Variants in RFX7 observed in about 807,000 individuals in gnomAD.
The protein encoded by RFX7 is regulatory factor X7.
In RFX7, 26 loss-of-function variants were observed where a neutral mutation model predicts 111.8. That is an observed-to-expected ratio of 0.23 (90% CI 0.17 to 0.32). The LOEUF (loss-of-function observed/expected upper bound fraction) is 0.32. Ranked by LOEUF, RFX7 falls within the 10% of genes least tolerant of loss-of-function variation. The pLI is 1.00. For synonymous variants in RFX7, 624 were observed against 624.4 expected (o/e 1.00, Z 0.01); for missense variants, 1,573 against 1,772.9 (o/e 0.89, Z 2.02).
intron 2 of RFX7, among the ~76,000 whole-genome samples, chr15:56,198,181 A>G (rs555514066): frequency 7.2e-5 from 11 of 152,254 alleles, no homozygotes; most frequent in African/African-American, 2.4e-4. Flanking sequence ...CTACATTCTT[A>G]ACTAAATAAT....
At chr15:56,114,668 C>A (rs1333718672) in intron 5 of RFX7, among the ~76,000 whole-genome samples, 1 of 151,696 alleles carries the variant, frequency 6.6e-6, no homozygotes, top group Non-Finnish European at 1.5e-5. Context: ...GATTACTTTG[C>A]TTGAAGTCAA....
chr15:56,236,291 T>A (rs1418878141), intron 2 of RFX7, among the ~76,000 whole-genome samples: 1 of 152,182 alleles, frequency 6.6e-6, no homozygotes, highest in Non-Finnish European at 1.5e-5. Flanking sequence ...GTGGGTTGAG[T>A]GCCAAATATC....
chr15:56,201,325 T>C (rs1424130303), intron 2 of RFX7, among the ~76,000 whole-genome samples: 1 of 152,178 alleles, frequency 6.6e-6, no homozygotes, highest in Non-Finnish European at 1.5e-5. Flanking sequence ...GAACTTTTCT[T>C]ATCACAAAAG....
intron 5 of RFX7, among the ~76,000 whole-genome samples, chr15:56,109,373 A>G (rs186085613): frequency 0.012 from 1,869 of 152,322 alleles, 42 homozygotes; most frequent in African/African-American, 0.041. Context: ...GCTGGAGTGC[A>G]GTGGCGTGAT....
intron 2 of RFX7, among the ~76,000 whole-genome samples, chr15:56,228,942 A>C (rs2043517455): frequency 6.6e-6 from 1 of 152,212 alleles, no homozygotes; most frequent in African/African-American, 2.4e-5. Flanking sequence ...TAAGAACAAA[A>C]TAGAATAAAT....
intron 3 of RFX7, among the ~76,000 whole-genome samples, chr15:56,162,871 C>T (rs539271452): frequency 7.9e-5 from 12 of 152,164 alleles, no homozygotes; most frequent in Admixed American, 7.9e-4. Flanking sequence ...CAGACATGCT[C>T]TTCATTTTGA....
At chr15:56,218,450 T>C (rs1420469977) in intron 2 of RFX7, among the ~76,000 whole-genome samples, 2 of 152,096 alleles carry the variant, frequency 1.3e-5, no homozygotes, top group South Asian at 2.1e-4. Context: ...ATTTAAAGTA[T>C]ATAGAAGAAT....
intron 6 of RFX7, among the ~76,000 whole-genome samples, chr15:56,102,521 C>A (rs1454006420): frequency 3.3e-5 from 5 of 152,028 alleles, no homozygotes; most frequent in African/African-American, 1.2e-4. Flanking sequence ...ATAAATGTTC[C>A]TAATATGCTG....
intron 5 of RFX7, among the ~76,000 whole-genome samples, chr15:56,140,872 TTTAGGAATA>T (rs1752214250): frequency 6.6e-6 from 1 of 152,162 alleles, no homozygotes; most frequent in Admixed American, 6.5e-5. Flanking sequence ...GCAGAAAACT[TTTAGGAATA>T]TAAGGACTGC....
chr15:56,097,682 G>A (rs1277822383), intron 9 of RFX7, among the ~76,000 whole-genome samples: 2 of 135,700 alleles, frequency 1.5e-5, no homozygotes, highest in African/African-American at 5.4e-5. Context: ...AGGAGGTGGA[G>A]GTTGCAGTGA....
chr15:56,093,821 C>T lies in RFX7; in HGVS notation c.3907G>A (p.Asp1303Asn), dbSNP rs751913099. Residue 1303 changes from aspartate (D) to asparagine (N), a missense_variant, in exon 10 of 10, where the codon GAT becomes AAT. Coordinates refer to ENST00000559447, the MANE Select transcript of RFX7 (RefSeq NM_022841.7). ...FPSANPQNMIDSSTSVYEFQT... is the reference protein window; with the variant it reads ...FPSANPQNMINSSTSVYEFQT... Reference sequence around the variant, plus strand: ...AACTCATAAACAGAAGTGCTGGAATCGATCATATTTTGTGGGTTGGCACTA... The same window carrying T: ...AACTCATAAACAGAAGTGCTGGAATTGATCATATTTTGTGGGTTGGCACTA... The T allele has an allele frequency of 5.1e-5, 83 of 1,613,722 alleles. No individual in the cohort carries two copies. The highest frequency in any genetic ancestry group is 3.3e-4 in the Middle Eastern group (2 of 6,082).
chr15:56,145,496 A>G (rs1388742290), intron 3 of RFX7, among the ~76,000 whole-genome samples: 1 of 152,250 alleles, frequency 6.6e-6, no homozygotes, highest in Non-Finnish European at 1.5e-5. Context: ...ACATGCAAAT[A>G]GCTCCCAAAT....
intron 2 of RFX7, among the ~76,000 whole-genome samples, chr15:56,194,277 T>C (rs2043127200): frequency 1.3e-5 from 2 of 152,256 alleles, no homozygotes; most frequent in Middle Eastern, 3.4e-3. Flanking sequence ...ACAACTCCTA[T>C]ATACTTGATT....
chr15:56,199,164 G>A (rs1567044091), intron 2 of RFX7, among the ~76,000 whole-genome samples: 1 of 152,136 alleles, frequency 6.6e-6, no homozygotes, highest in Non-Finnish European at 1.5e-5. Context: ...ACAAGAGAAG[G>A]CTGTAAATCA....
rs191991781 is a variant in RFX7, at chr15:56,231,888, G to A, written c.161+11237C>T. Among the ~76,000 whole-genome samples, 111 of 152,202 alleles carry A rather than the reference G, an allele frequency of 7.3e-4. No homozygotes were observed. In the Middle Eastern group the frequency reaches 0.01, roughly 14 times the overall value. On this transcript the variant is annotated intron_variant, in intron 2 of 9. Transcript: ENST00000559447. ...AATTGTTCAAACGAAGGAGCTAAAG[G>A]CCCCATGCAAGTCCCAAATCCAGTG...
intron 4 of RFX7, 114 bp downstream of exon 4, chr15:56,144,287 A>G: frequency 3.3e-6 from 1 of 305,218 alleles, no homozygotes; most frequent in Non-Finnish European, 6.4e-6. Context: ...TATGTTTTCT[A>G]ATCATTTCAG....
chr15:56,214,539 C>T lies in RFX7; in HGVS notation c.161+28586G>A, dbSNP rs1019564231. ...GACCATCCTGGTTAACATGGTGAAA[C>T]CCCGCCTCTACTAAAAATACGAAAA... is the stretch of plus-strand genomic sequence containing the variant. On this transcript the variant is annotated intron_variant, in intron 2 of 9. Transcript: ENST00000559447. Among the ~76,000 whole-genome samples, 9 of 151,770 alleles carry T rather than the reference C, an allele frequency of 5.9e-5. No individual in the cohort carries two copies. The East Asian group carries it at 1.7e-3, about 29-fold the overall frequency.
chr15:56,149,671 T>C (rs1427208447), intron 3 of RFX7, among the ~76,000 whole-genome samples: 3 of 152,164 alleles, frequency 2.0e-5, no homozygotes, highest in Non-Finnish European at 4.4e-5. Flanking sequence ...GCACAGACAC[T>C]GCGCTTGTCC....
chr15:56,177,923 A>G (rs1202329647), intron 3 of RFX7, among the ~76,000 whole-genome samples: 3 of 152,162 alleles, frequency 2.0e-5, no homozygotes, highest in Non-Finnish European at 4.4e-5. Context: ...TCTAGGTCTT[A>G]AGAGTAGTCT....
Sources: allele counts gnomAD v4.1 joint callset (sites outside exome capture counted in the v4.1 genomes callset), GRCh38; gene constraint gnomAD v4.1.1; transcripts MANE v1.5; gene names NCBI Gene and HGNC (gene_info 2026-07-23, HGNC 2026-07-21).